The following SPATA22 variants were observed in gnomAD, a reference collection of about 807,000 sequenced individuals.
SPATA22 encodes spermatogenesis-associated protein 22.
SPATA22 carries 29 observed loss-of-function variants against 47.8 expected under a neutral mutation model. That is an observed-to-expected ratio of 0.61 (90% CI 0.45 to 0.83). The LOEUF (loss-of-function observed/expected upper bound fraction) is 0.83. Ranked by LOEUF, SPATA22 falls within the 40% of genes least tolerant of loss-of-function variation. The pLI, the probability that SPATA22 is intolerant of heterozygous loss-of-function variation, is 0.00. For synonymous variants in SPATA22, 133 were observed against 140.9 expected, an observed-to-expected ratio of 0.94 and a Z score of 0.40; for missense variants, 410 against 421.7, an observed-to-expected ratio of 0.97 and a Z score of 0.24.
At chr17:3,465,061 G>GTGTGCCCAACA (rs1567602778) in intron 3 of SPATA22, among the ~76,000 whole-genome samples, 76 of 124,840 alleles carry the variant, frequency 6.1e-4, no homozygotes, top group African/African-American at 7.0e-4. Flanking sequence ...CGTCCGGGAG[G>GTGTGCCCAACA]GAGGTGGGGG....
At chr17:3,481,552 T>C in intron 1 of SPATA22, 3 of 1,514,080 alleles carry the variant, frequency 2.0e-6, no homozygotes, top group Non-Finnish European at 2.7e-6. Context: ...TATATGTTTA[T>C]ATTATCTCAG....
intron 3 of SPATA22, 80 bp downstream of exon 3, chr17:3,467,346 T>A (rs891174735): frequency 3.5e-6 from 4 of 1,152,052 alleles, no homozygotes; most frequent in Non-Finnish European, 4.8e-6. Context: ...ACTTTCTATT[T>A]TCATTATAAT....
chr17:3,489,435 T>C, intron 1 of SPATA22: 1 of 1,095,504 alleles, frequency 9.1e-7, no homozygotes, highest in South Asian at 1.3e-5. Flanking sequence ...GCTAAAGATA[T>C]GAAGTGCTTT....
At chr17:3,509,602 T>G (rs1188673772) in intron 1 of SPATA22, among the ~76,000 whole-genome samples, 1 of 152,242 alleles carries the variant, frequency 6.6e-6, no homozygotes, top group Non-Finnish European at 1.5e-5. Flanking sequence ...TCTTTGCTAT[T>G]GTAAATAGTG....
At chr17:3,511,457 A>G (rs1270944694) in intron 1 of SPATA22, 1 of 152,224 alleles carries the variant, frequency 6.6e-6, no homozygotes, top group Non-Finnish European at 1.5e-5. Context: ...CCAAGTACAC[A>G]TTCCTCTCGG....
At chr17:3,441,055 A>C (rs879776149) in intron 8 of SPATA22, 3 of 152,098 alleles carry the variant, frequency 2.0e-5, no homozygotes, top group Non-Finnish European at 4.4e-5. Flanking sequence ...AAATCAGAAA[A>C]AGATTAGCCT....
chr17:3,493,518 G>A (rs1289332302), intron 1 of SPATA22, among the ~76,000 whole-genome samples: 6 of 119,460 alleles, frequency 5.0e-5, no homozygotes, highest in East Asian at 5.8e-4. Flanking sequence ...CCAAGACCAC[G>A]CCACTGCACT....
chr17:3,476,422 G>T (rs774988790), upstream of SPATA22: 4 of 1,597,600 alleles, frequency 2.5e-6, no homozygotes, highest in African/African-American at 5.4e-5. Context: ...TATTGTATAT[G>T]TATGTATGTT....
At chr17:3,494,164 A>T (rs2073871899) in intron 1 of SPATA22, among the ~76,000 whole-genome samples, 1 of 151,740 alleles carries the variant, frequency 6.6e-6, no homozygotes, top group Non-Finnish European at 1.5e-5. Flanking sequence ...TAACTAGGAT[A>T]ATCCCAACCT....
intron 8 of SPATA22, among the ~76,000 whole-genome samples, chr17:3,442,946 A>G (rs564415246): frequency 2.6e-5 from 4 of 152,080 alleles, no homozygotes; most frequent in Non-Finnish European, 4.4e-5. Flanking sequence ...TCTGAGAGAA[A>G]GAGCCATTTG....
At chr17:3,475,876 G>C (rs2073513370), upstream of SPATA22, 1 of 445,416 alleles carries the variant, frequency 2.2e-6, no homozygotes. Flanking sequence ...TAGATCTACT[G>C]ACCATCTGAG....
chr17:3,464,980 C>T (rs1314016933), intron 3 of SPATA22, among the ~76,000 whole-genome samples: 2 of 87,270 alleles, frequency 2.3e-5, no homozygotes, highest in African/African-American at 6.1e-5. Context: ...AGTGAGGAGC[C>T]CCTCTGCCCG....
rs2073783128 is a variant in SPATA22 at position 3,489,380 on chromosome 17, A to G, written c.-73-19982T>C. The G allele has an allele frequency of 2.0e-6, 3 of 1,489,908 alleles. No individual in the cohort carries two copies. The South Asian group carries it at 3.4e-5, about 17-fold the overall frequency. 92.3% of individuals were successfully genotyped at this position (1,489,908 alleles called of 1,614,324 possible). On this transcript the variant is annotated intron_variant, in intron 1 of 8. Transcript: ENST00000541913. Reference sequence around the variant, plus strand: ...GAAGGTAACGTTATCAAACTTAACCACCAAACATTTAAATAACAATTGGAA... The same window carrying G: ...GAAGGTAACGTTATCAAACTTAACCGCCAAACATTTAAATAACAATTGGAA...
At chr17:3,445,503 T>C (rs986415013) in intron 7 of SPATA22, among the ~76,000 whole-genome samples, 1 of 152,124 alleles carries the variant, frequency 6.6e-6, no homozygotes, top group Non-Finnish European at 1.5e-5. Flanking sequence ...AGCACTGTGA[T>C]ACCCTGAGTA....
At chr17:3,464,616 G>C (rs2073231710) in intron 3 of SPATA22, among the ~76,000 whole-genome samples, 3 of 144,094 alleles carry the variant, frequency 2.1e-5, no homozygotes, top group Non-Finnish European at 4.6e-5. Context: ...GATGTGGGGA[G>C]CACCTTTGCC....
rs942048002 is a variant in SPATA22, at chr17:3,491,873, T to C, written c.-74+21539A>G. 1.0e-3 allele frequency among the ~76,000 whole-genome samples: 96 copies of C among 96,398 alleles called. 1 individual carries two copies. Among genetic ancestry groups the C allele is most frequent in the African/African-American group, 3.3e-3 (91 of 27,730 alleles). 63.2% of individuals were successfully genotyped at this position (96,398 alleles called of 152,430 possible). A position where few individuals can be genotyped will look rare whatever the true frequency, so the allele number is the denominator to read the frequency against. On this transcript the variant is annotated intron_variant, in intron 1 of 8. Transcript: ENST00000541913. ...TAGAGACAGAAATTTTTTTCTTTTG[T>C]TTTCTTTTTTTTTTTTTTTTTTGAG... is the stretch of plus-strand genomic sequence containing the variant.
At chr17:3,471,546 C>G (rs2073435527) in intron 1 of SPATA22, 136 bp downstream of exon 1, 2 of 985,342 alleles carry the variant, frequency 2.0e-6, no homozygotes, top group Non-Finnish European at 2.4e-6. Context: ...CCCACAAAAA[C>G]CACGGCCTCA....
At chr17:3,495,431 C>T (rs1463368023) in intron 1 of SPATA22, among the ~76,000 whole-genome samples, 1 of 152,212 alleles carries the variant, frequency 6.6e-6, no homozygotes, top group African/African-American at 2.4e-5. Context: ...TAATAGTCAT[C>T]CAGACTTGCA....
intron 1 of SPATA22, among the ~76,000 whole-genome samples, chr17:3,496,609 G>A (rs1052460012): frequency 6.6e-5 from 10 of 152,274 alleles, no homozygotes; most frequent in Admixed American, 2.0e-4. Flanking sequence ...TTCAGGACCC[G>A]GTTATGAGTC....
Sources: gnomAD v4.1 joint callset for allele counts (sites outside exome capture counted in the v4.1 genomes callset) on GRCh38, gnomAD v4.1.1 for gene constraint, MANE v1.5 for transcripts, NCBI Gene and HGNC (gene_info 2026-07-23, HGNC 2026-07-21) for gene names.